Variants in LHPP observed in about 807,000 individuals in gnomAD.
The protein encoded by LHPP is phospholysine phosphohistidine inorganic pyrophosphate phosphatase.
LHPP carries 24 observed loss-of-function variants against 30.3 expected under a neutral mutation model. The ratio of observed to expected loss-of-function variants is 0.79; its 90% CI spans 0.57 to 1.11. LHPP has a LOEUF of 1.11. Among genes scored for constraint, LHPP ranks in the 50% most tolerant of loss-of-function variants. The probability of loss-of-function intolerance (pLI) is 0.00; values close to 1 mark genes in which losing one functional copy is unlikely to be tolerated. For missense variants in LHPP, 356 were observed against 367.2 expected, an observed-to-expected ratio of 0.97 and a Z score of 0.25; for synonymous variants, 150 against 157.1, an observed-to-expected ratio of 0.95 and a Z score of 0.34.
At chr10:124,600,190 G>A (rs956867710) in intron 6 of LHPP, among the ~76,000 whole-genome samples, 6 of 152,232 alleles carry the variant, frequency 3.9e-5, no homozygotes, top group East Asian at 3.9e-4. Context: ...TGTTGGTAGC[G>A]CGGCCCCTCG....
Position 124,497,017 on chromosome 10 carries a change from C to T in LHPP, c.524C>T (p.Ala175Val), listed in dbSNP as rs200079884. ...LMLDVGPYMKALEYACGIKAE... is the reference protein window; with the variant it reads ...LMLDVGPYMKVLEYACGIKAE... Reference sequence around the variant, plus strand: ...CTGGACGTTGGTCCCTACATGAAGGCGCTTGAGGTACCAGCCCTGGTTCTG... The same window carrying T: ...CTGGACGTTGGTCCCTACATGAAGGTGCTTGAGGTACCAGCCCTGGTTCTG... Residue 175 changes from alanine to valine, a missense_variant, in exon 4 of 7, where the codon GCG (alanine) becomes GTG (valine). Ala to Val is a moderately conservative substitution (Grantham distance 64). Coordinates refer to ENST00000368842, the MANE Select transcript of LHPP (RefSeq NM_022126.4). 6.3e-5 allele frequency: 102 copies of T among 1,613,618 alleles called. No homozygotes were observed. The highest frequency in any genetic ancestry group is 2.7e-4 in the East Asian group (12 of 44,898).
intron 6 of LHPP, among the ~76,000 whole-genome samples, chr10:124,567,202 C>A (rs933977642): frequency 1.9e-4 from 29 of 152,382 alleles, no homozygotes; most frequent in Non-Finnish European, 3.8e-4. Flanking sequence ...GTGTCAGGAC[C>A]TGTCCCTGCA....
At chr10:124,498,402 T>A (rs1953795156) in intron 5 of LHPP, 1 of 1,546,980 alleles carries the variant, frequency 6.5e-7, no homozygotes, top group African/African-American at 1.4e-5. Context: ...TCTGAAAGGA[T>A]AAGAATTGAC....
At position 124,599,224 on chromosome 10, in the gene LHPP, C is replaced by T. The variant is rs186531733; in HGVS notation, c.717-14040C>T. On this transcript the variant is annotated intron_variant, in intron 6 of 6. Coordinates refer to ENST00000368842, the MANE Select transcript of LHPP (RefSeq NM_022126.4). Reference sequence around the variant, plus strand: ...ACCCATCCGTCCCCAGCCATCCATCCTCCTGTCCATCCCTGTGCATGCATC... The same window carrying T: ...ACCCATCCGTCCCCAGCCATCCATCTTCCTGTCCATCCCTGTGCATGCATC... 1.0e-3 allele frequency among the ~76,000 whole-genome samples: 152 copies of T among 152,254 alleles called. 1 individual carries two copies. The Middle Eastern group carries it at 0.01, about 10-fold the overall frequency.
At chr10:124,477,118 G>A (rs1447119832) in intron 1 of LHPP, among the ~76,000 whole-genome samples, 1 of 152,144 alleles carries the variant, frequency 6.6e-6, no homozygotes, top group Non-Finnish European at 1.5e-5. Context: ...CAGGAGAATC[G>A]CTTGAACCTG....
intron 6 of LHPP, chr10:124,526,294 G>A: frequency 1.1e-6 from 1 of 941,840 alleles, no homozygotes; most frequent in South Asian, 4.9e-5. Flanking sequence ...CAGTGCTCAT[G>A]CTTACACACA....
chr10:124,466,456 C>G, intron 1 of LHPP, among the ~76,000 whole-genome samples: 1 of 152,164 alleles, frequency 6.6e-6, no homozygotes, highest in South Asian at 2.1e-4. Context: ...TGTATACCAA[C>G]GTTTTTGTTT....
chr10:124,608,706 CA>C (rs1949127585), intron 6 of LHPP, among the ~76,000 whole-genome samples: 1 of 152,250 alleles, frequency 6.6e-6, no homozygotes, highest in Non-Finnish European at 1.5e-5. Flanking sequence ...CCACCCCACC[CA>C]CCTGCCTACC....
chr10:124,476,921 T>C (rs1049909178), intron 1 of LHPP, among the ~76,000 whole-genome samples: 11 of 152,150 alleles, frequency 7.2e-5, no homozygotes, highest in African/African-American at 2.7e-4. Flanking sequence ...TAAAAACATT[T>C]CAAGGCCGGG....
intron 6 of LHPP, among the ~76,000 whole-genome samples, chr10:124,575,995 G>A (rs1314055962): frequency 1.3e-5 from 2 of 152,324 alleles, no homozygotes; most frequent in Non-Finnish European, 1.5e-5. Context: ...CTTGGGGCCT[G>A]CTGTGATACA....
In LHPP at chr10:124,461,971, G is replaced by C. The variant is rs1952411247; in HGVS notation, c.109G>C (p.Val37Leu). 5.7e-6 allele frequency: 7 copies of C among 1,219,954 alleles called. No homozygotes were observed. The highest frequency in any genetic ancestry group is 7.2e-6 in the Non-Finnish European group (7 of 977,274). 75.6% of individuals were successfully genotyped at this position (1,219,954 alleles called of 1,614,324 possible). The change falls in exon 1 of 7, where the codon GTG becomes CTG. Residue 37 changes from valine (V) to leucine (L), a missense_variant. Coordinates refer to ENST00000368842, the MANE Select transcript of LHPP (RefSeq NM_022126.4). ...CGGCGGCACGGCCATCGCCGGCTCG[G>C]TGGAGGCGGTGGCCAGGTGAGTGGG... Reference protein sequence around the residue: ...AGGGTAIAGSVEAVARLKRSR... With the variant: ...AGGGTAIAGSLEAVARLKRSR...
At chr10:124,586,933 T>C (rs1243349784) in intron 6 of LHPP, among the ~76,000 whole-genome samples, 1 of 152,162 alleles carries the variant, frequency 6.6e-6, no homozygotes, top group Non-Finnish European at 1.5e-5. Flanking sequence ...ATGGATTTTT[T>C]TTTAACTGAG....
intron 5 of LHPP, among the ~76,000 whole-genome samples, chr10:124,509,692 G>T (rs1335500836): frequency 6.6e-6 from 1 of 151,040 alleles, no homozygotes; most frequent in African/African-American, 2.4e-5. Flanking sequence ...GTTCCTTTGG[G>T]GCCTGGATTC....
intron 6 of LHPP, among the ~76,000 whole-genome samples, chr10:124,540,864 C>T (rs978381690): frequency 6.6e-6 from 1 of 152,132 alleles, no homozygotes. Context: ...TCCAGAGGAA[C>T]CTGGGCTCAC....
chr10:124,557,950 G>A lies in LHPP; in HGVS notation c.716+40679G>A, dbSNP rs940429359. Among the ~76,000 whole-genome samples the A allele has an allele frequency of 1.6e-4, 25 of 152,250 alleles. 1 individual carries two copies. In the East Asian group the frequency reaches 1.7e-3, roughly 11 times the overall value. ...GTTGCCTGCAGCCTGGGGCGGCCTC[G>A]GCTCCTTCATGTCAGCGCGTCCTGA... On this transcript the variant is annotated intron_variant, in intron 6 of 6. Coordinates refer to ENST00000368842, the MANE Select transcript of LHPP (RefSeq NM_022126.4).
chr10:124,469,200 T>C (rs138937233), intron 1 of LHPP, among the ~76,000 whole-genome samples: 3 of 151,016 alleles, frequency 2.0e-5, no homozygotes, highest in African/African-American at 7.3e-5. Context: ...TGGAGTGGGG[T>C]GGGGGGTCTT....
At chr10:124,539,652 C>T (rs1248403099) in intron 6 of LHPP, among the ~76,000 whole-genome samples, 2 of 150,856 alleles carry the variant, frequency 1.3e-5, no homozygotes, top group Non-Finnish European at 2.9e-5. Flanking sequence ...AGGAGAATCA[C>T]TTGAACCTGG....
intron 5 of LHPP, among the ~76,000 whole-genome samples, chr10:124,513,435 CTT>C (rs57786051): frequency 0.017 from 2,191 of 127,276 alleles, 84 homozygotes; most frequent in African/African-American, 0.061. Context: ...ATTATTATTA[CTT>C]TTTTTTTCTT....
intron 6 of LHPP, among the ~76,000 whole-genome samples, chr10:124,605,696 A>C (rs1236441256): frequency 6.6e-6 from 1 of 152,168 alleles, no homozygotes; most frequent in Non-Finnish European, 1.5e-5. Context: ...GGATGGACTC[A>C]TCTGCCATGC....
Sources: gnomAD v4.1 joint callset for allele counts (sites outside exome capture counted in the v4.1 genomes callset) on GRCh38, gnomAD v4.1.1 for gene constraint, MANE v1.5 for transcripts, NCBI Gene and HGNC (gene_info 2026-07-23, HGNC 2026-07-21) for gene names.